Variants in CDK12 observed in about 807,000 individuals in gnomAD.
CDK12 encodes cyclin dependent kinase 12.
In CDK12, 17 loss-of-function variants were observed where a neutral mutation model predicts 133.8. The observed-to-expected ratio is 0.13, with a 90% CI of 0.09 to 0.19. The LOEUF is 0.19. CDK12 is among the 10% of genes least tolerant of loss of function. The probability of loss-of-function intolerance (pLI) is 1.00; values close to 1 mark genes in which losing one functional copy is unlikely to be tolerated. For missense variants in CDK12, 1,508 were observed against 1,818.7 expected, an observed-to-expected ratio of 0.83 and a Z score of 3.11; for synonymous variants, 694 against 683.6, an observed-to-expected ratio of 1.02 and a Z score of -0.24.
intron 2 of CDK12, among the ~76,000 whole-genome samples, chr17:39,486,095 G>A (rs2051102628): frequency 6.6e-6 from 1 of 151,106 alleles, no homozygotes; most frequent in African/African-American, 2.4e-5. Flanking sequence ...TGGGATTTTG[G>A]GAGTGCACCA....
chr17:39,471,773 A>G lies in CDK12; in HGVS notation c.1931+10A>G, dbSNP rs377421928. ...ATGATGACATGGATAGGTAAGTCCT[A>G]TAGTGAACTGGAAAAAACCCCCTTG... On this transcript the variant is annotated intron_variant, in intron 2 of 13. Transcript: ENST00000447079. 3.9e-5 allele frequency: 62 copies of G among 1,587,228 alleles called. No homozygotes were observed. The highest frequency in any genetic ancestry group is 3.5e-4 in the African/African-American group (26 of 74,006).
chr17:39,518,123 C>T (rs1357081517), intron 10 of CDK12, among the ~76,000 whole-genome samples: 1 of 151,946 alleles, frequency 6.6e-6, no homozygotes, highest in Non-Finnish European at 1.5e-5. Flanking sequence ...GGATTAGAGG[C>T]CTCTGCCACT....
At position 39,530,751 on chromosome 17, in the gene CDK12, A is replaced by G; in HGVS notation, c.3908A>G (p.Gln1303Arg). ...LNPAVTAALL[Q>R]LLSQPEAEPP... The stretch of plus-strand genomic sequence containing the variant: ...CCAGCCGTGACAGCCGCCTTGCTGC[A>G]ACTTTTATCCCAGCCTGAAGCAGAG... Residue 1303 changes from glutamine (Q) to arginine (R), a missense_variant, in exon 14 of 14, where the codon CAA becomes CGA. Coordinates refer to ENST00000447079, the MANE Select transcript of CDK12 (RefSeq NM_016507.4). 1 of 1,613,588 alleles carries G rather than the reference A, an allele frequency of 6.2e-7. No homozygotes were observed. Among genetic ancestry groups the G allele is most frequent in the Non-Finnish European group, 8.5e-7 (1 of 1,179,922 alleles).
intron 11 of CDK12, among the ~76,000 whole-genome samples, chr17:39,522,372 C>T (rs572685226): frequency 6.6e-6 from 1 of 152,196 alleles, no homozygotes; most frequent in Admixed American, 6.5e-5. Context: ...CAGGCGTGAG[C>T]CACTGAACCC....
downstream of CDK12, among the ~76,000 whole-genome samples, chr17:39,539,321 AC>A (rs1402753944): frequency 6.6e-6 from 1 of 152,214 alleles, no homozygotes; most frequent in Non-Finnish European, 1.5e-5. Context: ...GTATTTATCT[AC>A]CATGAATGAA....
chr17:39,479,736 C>T (rs2050489147), intron 2 of CDK12, among the ~76,000 whole-genome samples: 1 of 151,552 alleles, frequency 6.6e-6, no homozygotes, highest in Non-Finnish European at 1.5e-5. Context: ...AAGCAATTCT[C>T]CTGCCTCAGC....
intron 5 of CDK12, among the ~76,000 whole-genome samples, chr17:39,495,427 AAGTG>A (rs1293042888): frequency 2.2e-4 from 31 of 137,926 alleles, no homozygotes; most frequent in African/African-American, 8.1e-4. Context: ...ATAAAATAAT[AAGTG>A]AATGAATGGA....
rs903401649 is a variant in CDK12, at chr17:39,531,827, G to C, written c.*511G>C. The C allele has an allele frequency of 8.5e-5, 20 of 234,084 alleles. No individual in the cohort carries two copies. The highest frequency in any genetic ancestry group is 1.6e-4 in the Non-Finnish European group (19 of 118,332). The allele number at this position is 234,084 out of a possible 1,614,324, so 14.5% of individuals were successfully genotyped here. On this transcript the variant is annotated 3_prime_UTR_variant, in exon 14 of 14. Coordinates refer to ENST00000447079, the MANE Select transcript of CDK12 (RefSeq NM_016507.4). ...CTGCTCTTTGGCTTTTGCTATAAGG[G>C]AAACAGAGTGGCCTGGCTGATTTGA...
chr17:39,518,074 T>A (rs1315837549), intron 10 of CDK12, among the ~76,000 whole-genome samples: 1 of 151,760 alleles, frequency 6.6e-6, no homozygotes, highest in Admixed American at 6.6e-5. Flanking sequence ...GCCCCCCAAG[T>A]TCAAGTGATT....
At chr17:39,499,208 C>CTCTT (rs2052509848) in intron 5 of CDK12, among the ~76,000 whole-genome samples, 2 of 12,446 alleles carry the variant, frequency 1.6e-4, no homozygotes, top group African/African-American at 1.0e-3. Context: ...TCTTTCTTTC[C>CTCTT]TTTTTTTTTT....
intron 2 of CDK12, among the ~76,000 whole-genome samples, chr17:39,483,486 ACTC>A (rs1328408116): frequency 1.3e-5 from 2 of 151,576 alleles, no homozygotes; most frequent in African/African-American, 4.8e-5. Flanking sequence ...GGGTAGTAGA[ACTC>A]CTAGACACAA....
At chr17:39,494,035 C>G (rs2051864986) in intron 4 of CDK12, among the ~76,000 whole-genome samples, 1 of 151,990 alleles carries the variant, frequency 6.6e-6, no homozygotes, top group African/African-American at 2.4e-5. Context: ...AAATTAAAGC[C>G]AGGAAAGGGA....
intron 10 of CDK12, among the ~76,000 whole-genome samples, chr17:39,519,298 CTTTTTTTTTTT>C (rs386386050): frequency 5.6e-5 from 3 of 53,976 alleles, no homozygotes; most frequent in East Asian, 6.0e-4. Flanking sequence ...AATTCAAAGA[CTTTTTTTTTTT>C]TTTTTTTTTT....
At chr17:39,482,888 C>A (rs555146836) in intron 2 of CDK12, among the ~76,000 whole-genome samples, 40 of 149,832 alleles carry the variant, frequency 2.7e-4, no homozygotes, top group African/African-American at 9.5e-4. Context: ...AGGTGAGAGC[C>A]ACTATGCCTG....
At chr17:39,517,888 T>C (rs1457125348) in intron 10 of CDK12, among the ~76,000 whole-genome samples, 1 of 152,170 alleles carries the variant, frequency 6.6e-6, no homozygotes, top group Non-Finnish European at 1.5e-5. Flanking sequence ...GGTCTTGCTG[T>C]GTTGTCCAGG....
In CDK12 at chr17:39,530,585, A is replaced by G. The variant is rs1213216690; in HGVS notation, c.3761-19A>G. The G allele has an allele frequency of 3.2e-6, 5 of 1,541,274 alleles. No homozygotes were observed. In the Admixed American group the frequency reaches 1.0e-4, roughly 32 times the overall value. ...TGTGCTTTTTAAGATGGTGTTTAAAAGAAGTAACCCTTCCACAGCATGTCC... is the reference window on the plus strand; with the variant it reads ...TGTGCTTTTTAAGATGGTGTTTAAAGGAAGTAACCCTTCCACAGCATGTCC... On this transcript the variant is annotated intron_variant, in intron 13 of 13. Transcript: ENST00000447079.
At position 39,531,637 on chromosome 17, in the gene CDK12, C is replaced by A; in HGVS notation, c.*321C>A. Reference sequence around the variant, plus strand: ...TAGTTCATTGCCTGCACTTACTGATCGGAAGAGAGAAAGAACAGTTTCAGT... The same window carrying A: ...TAGTTCATTGCCTGCACTTACTGATAGGAAGAGAGAAAGAACAGTTTCAGT... On this transcript the variant is annotated 3_prime_UTR_variant, in exon 14 of 14. Coordinates refer to ENST00000447079, the MANE Select transcript of CDK12 (RefSeq NM_016507.4). The A allele has an allele frequency of 3.6e-6, 1 of 279,356 alleles. No individual in the cohort carries two copies. Among genetic ancestry groups the A allele is most frequent in the East Asian group, 5.3e-5 (1 of 18,788 alleles). 17.3% of individuals were successfully genotyped at this position (279,356 alleles called of 1,614,324 possible).
intron 2 of CDK12, among the ~76,000 whole-genome samples, chr17:39,476,605 G>A (rs1454895630): frequency 6.7e-6 from 1 of 150,046 alleles, no homozygotes; most frequent in Non-Finnish European, 1.5e-5. Context: ...TAGACAATGG[G>A]TTTCGCCCTG....
chr17:39,464,580 A>T (rs1029217198), intron 1 of CDK12, among the ~76,000 whole-genome samples: 1 of 151,906 alleles, frequency 6.6e-6, no homozygotes, highest in Non-Finnish European at 1.5e-5. Context: ...TAAAGTTACA[A>T]TTCATAAATG....
Sources: gnomAD v4.1 joint callset for allele counts (sites outside exome capture counted in the v4.1 genomes callset) on GRCh38, gnomAD v4.1.1 for gene constraint, MANE v1.5 for transcripts, NCBI Gene and HGNC (gene_info 2026-07-23, HGNC 2026-07-21) for gene names.